Variants in IGSF5 observed in about 807,000 individuals in gnomAD.
The protein encoded by IGSF5 is immunoglobulin superfamily member 5, also known as immunoglobulin superfamily 5 like.
IGSF5 carries 41 observed loss-of-function variants against 39.4 expected under a neutral mutation model. The observed-to-expected ratio is 1.04, with a 90% CI of 0.81 to 1.35. The LOEUF is 1.35. Ranked by LOEUF, IGSF5 falls within the 40% of genes most tolerant of loss-of-function variation. The pLI is 0.00. For missense variants in IGSF5, 487 were observed against 494.6 expected (o/e 0.98, Z 0.15); for synonymous variants, 183 against 175.3 (o/e 1.04, Z -0.34).
chr21:39,735,367 C>A, the IGSF5 span, among the ~76,000 whole-genome samples: 1 of 152,140 alleles, frequency 6.6e-6, no homozygotes. Context: ...TAACGCTTAA[C>A]TATGGGTGCT....
chr21:39,733,628 G>A, the IGSF5 span, among the ~76,000 whole-genome samples: 5 of 152,182 alleles, frequency 3.3e-5, no homozygotes, highest in African/African-American at 1.2e-4. Context: ...TCCACAATTA[G>A]AAAGCTTAAA....
In IGSF5 at chr21:39,780,606, G is replaced by A. The variant is rs16998031; in HGVS notation, c.934+1301G>A. On this transcript the variant is annotated intron_variant, in intron 5 of 8. Coordinates refer to ENST00000380588, the MANE Select transcript of IGSF5 (RefSeq NM_001080444.2). ...GTAGAAAGAAAAAATAAGATCTTCT[G>A]TTAATAAAAAATAGTATCAATACAA... 5.9e-3 allele frequency among the ~76,000 whole-genome samples: 891 copies of A among 152,252 alleles called. 12 individuals carry two copies. Among genetic ancestry groups the A allele is most frequent in the African/African-American group, 0.02 (810 of 41,538 alleles).
the IGSF5 span, among the ~76,000 whole-genome samples, chr21:39,719,964 C>CT: frequency 6.6e-6 from 1 of 152,198 alleles, no homozygotes; most frequent in East Asian, 1.9e-4. Context: ...TTTGATTAAA[C>CT]TTTTTTTGTC....
chr21:39,717,291 C>T, the IGSF5 span, among the ~76,000 whole-genome samples: 26 of 152,222 alleles, frequency 1.7e-4, no homozygotes, highest in South Asian at 4.3e-3. Context: ...ATTTTGCAGG[C>T]TGTATGTTTA....
At position 39,779,142 on chromosome 21, in the gene IGSF5, AG is replaced by A; in HGVS notation, c.773del (p.Gly258ValfsTer14). 1.2e-6 allele frequency: 2 copies of A among 1,614,010 alleles called. No individual in the cohort carries two copies. Among genetic ancestry groups the A allele is most frequent in the Non-Finnish European group, 1.7e-6 (2 of 1,179,932 alleles). ...GTGTATTATCAAGTTTACCGAGTTT[AG>A]GTTTTTCATTGCCTACTTGGGGCAA... is the stretch of plus-strand genomic sequence containing the variant. ...PGVLSSLPSL[G>X]FSLPTWGKVG... is the part of the protein sequence containing the mutation. On this transcript the variant is annotated frameshift_variant, in exon 5 of 9. Coordinates refer to ENST00000380588, the MANE Select transcript of IGSF5 (RefSeq NM_001080444.2). LOFTEE classifies it high-confidence loss of function.
upstream of IGSF5, among the ~76,000 whole-genome samples, chr21:39,744,068 C>A (rs2079960043): frequency 6.6e-6 from 1 of 152,112 alleles, no homozygotes; most frequent in South Asian, 2.1e-4. Context: ...AATGCTTATT[C>A]CTTTCCAGGG....
chr21:39,788,295 G>A, intron 6 of IGSF5, 107 bp downstream of exon 6: 1 of 837,648 alleles, frequency 1.2e-6, no homozygotes, highest in Non-Finnish European at 1.9e-6. Context: ...TTGGATTTAT[G>A]TTATCCAGAA....
At chr21:39,714,263 G>C in the IGSF5 span, among the ~76,000 whole-genome samples, 10 of 152,316 alleles carry the variant, frequency 6.6e-5, no homozygotes, top group Non-Finnish European at 1.5e-4. Flanking sequence ...GATGTCTGTG[G>C]CTTGGAAGCA....
At chr21:39,769,544 A>C (rs1236516340) in intron 3 of IGSF5, among the ~76,000 whole-genome samples, 4 of 151,956 alleles carry the variant, frequency 2.6e-5, no homozygotes, top group African/African-American at 7.2e-5. Context: ...TTATCTGAAA[A>C]AGCTATTAAA....
intron 2 of IGSF5, among the ~76,000 whole-genome samples, chr21:39,761,858 G>A (rs866026687): frequency 6.6e-6 from 1 of 152,022 alleles, no homozygotes; most frequent in African/African-American, 2.4e-5. Context: ...TGTAGAGATG[G>A]GATATTGTTA....
intron 5 of IGSF5, among the ~76,000 whole-genome samples, chr21:39,787,838 T>C (rs946467947): frequency 2.6e-5 from 4 of 152,176 alleles, no homozygotes; most frequent in African/African-American, 9.7e-5. Context: ...CTTGGTATTA[T>C]GGAGTCTGTA....
intron 8 of IGSF5, among the ~76,000 whole-genome samples, chr21:39,798,753 C>T (rs2087012013): frequency 6.6e-6 from 1 of 152,248 alleles, no homozygotes; most frequent in Non-Finnish European, 1.5e-5. Flanking sequence ...CCTCCCATAA[C>T]TCCTGCCCCT....
At chr21:39,758,539 C>T (rs548137001) in intron 2 of IGSF5, among the ~76,000 whole-genome samples, 2 of 152,148 alleles carry the variant, frequency 1.3e-5, no homozygotes, top group Non-Finnish European at 1.5e-5. Flanking sequence ...ATTTTCAGGG[C>T]GAGAATCTCA....
chr21:39,788,050 G>T lies in IGSF5; in HGVS notation c.935-117G>T, dbSNP rs2837218. On this transcript the variant is annotated intron_variant, in intron 5 of 8. Coordinates refer to ENST00000380588, the MANE Select transcript of IGSF5 (RefSeq NM_001080444.2). The stretch of plus-strand genomic sequence containing the variant: ...TGGGAAAACTTAATAATGCTCCTTG[G>T]GTCACAAATACTAATGTTGGGTCTG... The T allele has an allele frequency of 5.3e-5, 39 of 735,750 alleles. No individual in the cohort carries two copies. In the East Asian group the frequency reaches 6.0e-4, roughly 11 times the overall value. The allele number at this position is 735,750 out of a possible 1,614,324, so 45.6% of individuals were successfully genotyped here.
intron 4 of IGSF5, among the ~76,000 whole-genome samples, chr21:39,775,958 G>C (rs939964246): frequency 1.3e-5 from 2 of 152,282 alleles, no homozygotes; most frequent in East Asian, 3.9e-4. Flanking sequence ...GTGGCTTCCT[G>C]TTCTGGGCTC....
intron 4 of IGSF5, among the ~76,000 whole-genome samples, chr21:39,776,153 T>A (rs2080139212): frequency 6.6e-6 from 1 of 151,912 alleles, no homozygotes; most frequent in Non-Finnish European, 1.5e-5. Flanking sequence ...TTTAAAAAAA[T>A]TAGCTCCATA....
chr21:39,736,108 CCCCCTGGCACCCA>C, the IGSF5 span, among the ~76,000 whole-genome samples: 6,869 of 152,140 alleles, frequency 0.045, 515 homozygotes, highest in African/African-American at 0.16. Flanking sequence ...GGGTCCCAGG[CCCCCTGGCACCCA>C]CCCTGCTGCC....
intron 4 of IGSF5, among the ~76,000 whole-genome samples, chr21:39,776,175 TATAC>T (rs960999378): frequency 2.5e-4 from 36 of 146,048 alleles, no homozygotes; most frequent in African/African-American, 7.5e-4. Flanking sequence ...TAAACAAAAA[TATAC>T]ATGCATGTGT....
At chr21:39,762,124 A>G (rs1018240751) in intron 2 of IGSF5, among the ~76,000 whole-genome samples, 1 of 152,202 alleles carries the variant, frequency 6.6e-6, no homozygotes, top group Non-Finnish European at 1.5e-5. Flanking sequence ...ATAAACTCCT[A>G]TAAAGAAATC....
Sources: allele counts gnomAD v4.1 joint callset (sites outside exome capture counted in the v4.1 genomes callset), GRCh38; gene constraint gnomAD v4.1.1; transcripts MANE v1.5; gene names NCBI Gene and HGNC (gene_info 2026-07-23, HGNC 2026-07-21).